Variants in DAG1 observed in about 807,000 individuals in gnomAD.
The protein encoded by DAG1 is dystroglycan 1 (dystrophin-associated glycoprotein 1).
In DAG1, 8 loss-of-function variants were observed where a neutral mutation model predicts 46.1. That is an observed-to-expected ratio of 0.17 (90% CI 0.10 to 0.31). The LOEUF is 0.31. Ranked by LOEUF, DAG1 falls within the 10% of genes least tolerant of loss-of-function variation. The pLI is 1.00. For synonymous variants in DAG1, 495 were observed against 481.8 expected (o/e 1.03, Z -0.36); for missense variants, 1,003 against 1,189.9 (o/e 0.84, Z 2.31).
chr3:49,481,963 T>G (rs983183705), intron 1 of DAG1, among the ~76,000 whole-genome samples: 11 of 152,302 alleles, frequency 7.2e-5, no homozygotes, highest in African/African-American at 2.4e-4. Context: ...GTATGAAACA[T>G]GAATAAACTT....
chr3:49,474,615 G>A lies in DAG1; in HGVS notation c.-117+4182G>A, dbSNP rs1021663849. ...CTCTCCTTGGCCTCCCAAAATGCTA[G>A]GATTACAGGCACGAGCCACTGCGCA... On this transcript the variant is annotated intron_variant, in intron 1 of 2. Transcript: ENST00000308775. 4.6e-5 allele frequency among the ~76,000 whole-genome samples: 7 copies of A among 152,050 alleles called. 1 individual carries two copies. The highest frequency in any genetic ancestry group is 1.4e-4 in the African/African-American group (6 of 41,474).
At chr3:49,496,426 C>G (rs1453539676) in intron 1 of DAG1, among the ~76,000 whole-genome samples, 1 of 146,406 alleles carries the variant, frequency 6.8e-6, no homozygotes, top group Non-Finnish European at 1.5e-5. Context: ...GGCGCGATCT[C>G]GGCTCACCAC....
At chr3:49,479,700 C>T (rs1336056905) in intron 1 of DAG1, among the ~76,000 whole-genome samples, 3 of 124,240 alleles carry the variant, frequency 2.4e-5, no homozygotes, top group East Asian at 2.5e-4. Flanking sequence ...TGCAGTGGCT[C>T]GATCTCTGCT....
chr3:49,486,557 T>C (rs1355174598), intron 1 of DAG1, among the ~76,000 whole-genome samples: 4 of 140,770 alleles, frequency 2.8e-5, no homozygotes, highest in African/African-American at 1.1e-4. Context: ...CTCTGGAGTG[T>C]AGTGGCATGA....
In DAG1 at chr3:49,532,827, G is replaced by C. The variant is rs774003495; in HGVS notation, c.2316G>C (p.Met772Ile). Residue 772 changes from methionine (M) to isoleucine (I), a missense_variant, in exon 3 of 3, where the codon ATG becomes ATC. Coordinates refer to ENST00000308775, the MANE Select transcript of DAG1 (RefSeq NM_004393.6). The surrounding 1 kb of genome is among the most constrained non-coding windows in gnomAD (Gnocchi z 5.4). ...AILLIAGIIA[M>I]ICYRKKRKGK... ...TGCTCATTGCTGGCATCATTGCCAT[G>C]ATCTGCTACCGCAAGAAGCGGAAGG... 1.9e-6 allele frequency: 3 copies of C among 1,613,970 alleles called. No individual in the cohort carries two copies. The highest frequency in any genetic ancestry group is 1.7e-6 in the Non-Finnish European group (2 of 1,180,022).
At chr3:49,505,586 C>A (rs1159343462) in intron 1 of DAG1, among the ~76,000 whole-genome samples, 1 of 152,114 alleles carries the variant, frequency 6.6e-6, no homozygotes, top group South Asian at 2.1e-4. Flanking sequence ...AAGGAGTTTT[C>A]TTATGGATTC....
At chr3:49,471,324 A>C (rs778717431) in intron 1 of DAG1, among the ~76,000 whole-genome samples, 1 of 152,234 alleles carries the variant, frequency 6.6e-6, no homozygotes, top group African/African-American at 2.4e-5. Flanking sequence ...TTTATAGGAC[A>C]TAATTCCAGA....
At chr3:49,494,095 G>A (rs2050252199) in intron 1 of DAG1, among the ~76,000 whole-genome samples, 2 of 152,126 alleles carry the variant, frequency 1.3e-5, no homozygotes, top group South Asian at 2.1e-4. Context: ...GGGAGTGGGT[G>A]GTAGTTTTGT....
chr3:49,504,802 G>A (rs1411345154), intron 1 of DAG1, among the ~76,000 whole-genome samples: 18 of 129,016 alleles, frequency 1.4e-4, no homozygotes, highest in African/African-American at 4.4e-4. Flanking sequence ...TAGTAGAGAC[G>A]GGGTTTCACC....
intron 1 of DAG1, among the ~76,000 whole-genome samples, chr3:49,474,024 A>G (rs1369211066): frequency 6.6e-6 from 1 of 151,400 alleles, no homozygotes; most frequent in East Asian, 2.0e-4. Context: ...AGTAGCTAGG[A>G]CCACAGGCGC....
intron 1 of DAG1, among the ~76,000 whole-genome samples, chr3:49,499,780 C>A (rs1313674547): frequency 2.0e-5 from 3 of 152,132 alleles, no homozygotes; most frequent in Non-Finnish European, 2.9e-5. Context: ...GGGATCCTTA[C>A]CTGCTGAACC....
chr3:49,479,369 G>A (rs1208179827), intron 1 of DAG1, among the ~76,000 whole-genome samples: 1 of 151,470 alleles, frequency 6.6e-6, no homozygotes, highest in Non-Finnish European at 1.5e-5. Flanking sequence ...GAGTGCAGTG[G>A]CTCGATCTCT....
At chr3:49,509,250 T>C (rs1013762796) in intron 1 of DAG1, among the ~76,000 whole-genome samples, 2 of 152,188 alleles carry the variant, frequency 1.3e-5, no homozygotes, top group Non-Finnish European at 2.9e-5. Flanking sequence ...CTGGGCAGCA[T>C]AGTGGGACAC....
At chr3:49,507,494 C>T (rs886585605) in intron 1 of DAG1, among the ~76,000 whole-genome samples, 5 of 151,740 alleles carry the variant, frequency 3.3e-5, no homozygotes, top group Admixed American at 6.6e-5. Flanking sequence ...ACCTGGGAGG[C>T]GGAGGTTACA....
intron 2 of DAG1, among the ~76,000 whole-genome samples, chr3:49,528,532 G>A (rs561653871): frequency 1.9e-4 from 29 of 151,894 alleles, no homozygotes; most frequent in South Asian, 2.1e-4. Flanking sequence ...TGATCCACCC[G>A]CCTCAACCTC....
At chr3:49,475,485 A>G (rs546694785) in intron 1 of DAG1, among the ~76,000 whole-genome samples, 2 of 142,362 alleles carry the variant, frequency 1.4e-5, no homozygotes, top group East Asian at 2.1e-4. Flanking sequence ...GGCTCCTGCA[A>G]CCTCCACCTC....
chr3:49,494,137 T>C (rs980028647), intron 1 of DAG1, among the ~76,000 whole-genome samples: 2 of 152,210 alleles, frequency 1.3e-5, no homozygotes, highest in African/African-American at 2.4e-5. Context: ...TGTGTTGATA[T>C]GGCAGTTCCT....
intron 2 of DAG1, among the ~76,000 whole-genome samples, chr3:49,517,295 C>T (rs79828036): frequency 0.041 from 6,299 of 152,222 alleles, 183 homozygotes; most frequent in Non-Finnish European, 0.064. Flanking sequence ...ACCCAGCCCC[C>T]AAGAGGCTTC....
chr3:49,499,838 T>C (rs2050399158), intron 1 of DAG1, among the ~76,000 whole-genome samples: 1 of 152,224 alleles, frequency 6.6e-6, no homozygotes, highest in South Asian at 2.1e-4. Flanking sequence ...ATAATGTTTT[T>C]GATTTCCTAG....
Sources: allele counts gnomAD v4.1 joint callset (sites outside exome capture counted in the v4.1 genomes callset), GRCh38; gene constraint gnomAD v4.1.1; non-coding constraint Gnocchi (gnomAD v3.1); transcripts MANE v1.5; gene names NCBI Gene and HGNC (gene_info 2026-07-23, HGNC 2026-07-21).